UHRF1: variants seen among roughly 807,000 people sequenced by gnomAD.
UHRF1 encodes the protein ubiquitin like with PHD and ring finger domains 1.
In UHRF1, 9 loss-of-function variants were observed where a neutral mutation model predicts 96.5. That is an observed-to-expected ratio of 0.09 (90% CI 0.06 to 0.16). UHRF1 has a LOEUF of 0.16. Among genes scored for constraint, UHRF1 ranks in the 10% least tolerant of loss-of-function variants. The pLI is 1.00. For missense variants in UHRF1, 626 were observed against 1,131.1 expected (o/e 0.55, Z 6.40); for synonymous variants, 455 against 469.9 (o/e 0.97, Z 0.41).
Position 4,929,098 on chromosome 19 carries a change from C to T in UHRF1, c.154-124C>T, listed in dbSNP as rs1406230682. ...ATGGCCCAGGTATCATGGCTCTTTA[C>T]TCTGATGCAGATTGCCCCCCCCCCA... On this transcript the variant is annotated intron_variant, in intron 2 of 16. Coordinates refer to ENST00000650932, the MANE Select transcript of UHRF1 (RefSeq NM_001048201.3). 6.6e-6 allele frequency: 9 copies of T among 1,357,276 alleles called. No individual in the cohort carries two copies. The African/African-American group carries it at 7.8e-5, about 12-fold the overall frequency. The allele number at this position is 1,357,276 out of a possible 1,614,324, so 84.1% of individuals were successfully genotyped here. A position where few individuals can be genotyped will look rare whatever the true frequency, so the allele number is the denominator to read the frequency against.
At chr19:4,955,348 C>A (rs895551167) in intron 15 of UHRF1, among the ~76,000 whole-genome samples, 1 of 152,084 alleles carries the variant, frequency 6.6e-6, no homozygotes, top group African/African-American at 2.4e-5. Flanking sequence ...CTCGGGGCCC[C>A]TTCCTCCCCC....
At chr19:4,923,448 T>C (rs973779708) in intron 2 of UHRF1, among the ~76,000 whole-genome samples, 1 of 152,104 alleles carries the variant, frequency 6.6e-6, no homozygotes. Flanking sequence ...TCCTCTGCAG[T>C]GGTCTGGTTT....
At chr19:4,937,710 A>G (rs182019537) in intron 5 of UHRF1, among the ~76,000 whole-genome samples, 1 of 152,268 alleles carries the variant, frequency 6.6e-6, no homozygotes, top group African/African-American at 2.4e-5. Context: ...GTGGTCTGCA[A>G]TTCTCTTGTT....
At chr19:4,942,246 A>G (rs931516214) in intron 7 of UHRF1, among the ~76,000 whole-genome samples, 2 of 150,868 alleles carry the variant, frequency 1.3e-5, no homozygotes, top group East Asian at 1.9e-4. Flanking sequence ...GCTGGAGTGC[A>G]GTGGCGCGAT....
At chr19:4,955,784 G>T (rs561266870) in intron 15 of UHRF1, among the ~76,000 whole-genome samples, 14 of 152,168 alleles carry the variant, frequency 9.2e-5, no homozygotes, top group African/African-American at 2.6e-4. Context: ...TATGCATTGT[G>T]TCAGTGGACA....
chr19:4,927,215 A>G (rs1019076419), intron 2 of UHRF1, among the ~76,000 whole-genome samples: 5 of 152,112 alleles, frequency 3.3e-5, no homozygotes, highest in Non-Finnish European at 5.9e-5. Context: ...CCCTGTCTCT[A>G]CTAAAAATAC....
chr19:4,915,760 A>G (rs915674428), intron 2 of UHRF1, among the ~76,000 whole-genome samples: 2 of 152,196 alleles, frequency 1.3e-5, no homozygotes, highest in Non-Finnish European at 2.9e-5. Context: ...GGTGCAGGCC[A>G]GAATTGTCCC....
intron 5 of UHRF1, among the ~76,000 whole-genome samples, chr19:4,934,112 CT>C (rs2033146765): frequency 6.6e-6 from 1 of 151,730 alleles, no homozygotes; most frequent in African/African-American, 2.4e-5. Context: ...CAGCCTCCGC[CT>C]TCCAGGTTCA....
At chr19:4,951,642 G>T (rs1281797776) in intron 13 of UHRF1, among the ~76,000 whole-genome samples, 2 of 149,740 alleles carry the variant, frequency 1.3e-5, no homozygotes, top group African/African-American at 2.5e-5. Context: ...TAAAGGGATC[G>T]CTGCAGACCA....
At chr19:4,951,915 C>T (rs563438541) in intron 13 of UHRF1, among the ~76,000 whole-genome samples, 1 of 152,116 alleles carries the variant, frequency 6.6e-6, no homozygotes, top group African/African-American at 2.4e-5. Flanking sequence ...GCAGACGAAT[C>T]GTGAGACTAT....
chr19:4,959,171 A>G (rs1441575917), intron 16 of UHRF1, among the ~76,000 whole-genome samples: 2 of 151,570 alleles, frequency 1.3e-5, no homozygotes, highest in Non-Finnish European at 2.9e-5. Context: ...CTCTACTAAA[A>G]ATACAAAAAT....
At chr19:4,935,689 T>C (rs538674769) in intron 5 of UHRF1, among the ~76,000 whole-genome samples, 22 of 152,236 alleles carry the variant, frequency 1.4e-4, no homozygotes, top group African/African-American at 3.9e-4. Flanking sequence ...TAGTAAGATA[T>C]AGAGCATCGT....
rs564580950 is a variant in UHRF1 at position 4,942,113 on chromosome 19, C to T, written c.1073+182C>T. On this transcript the variant is annotated intron_variant, in intron 7 of 16. Transcript: ENST00000650932. Reference sequence around the variant, plus strand: ...GAGTTCAAGAGCAGCCTGGGCAACACAAGACCAGCCTGGGGGACGTAGAGA... The same window carrying T: ...GAGTTCAAGAGCAGCCTGGGCAACATAAGACCAGCCTGGGGGACGTAGAGA... Among the ~76,000 whole-genome samples the T allele has an allele frequency of 3.9e-5, 6 of 152,294 alleles. No individual in the cohort carries two copies. The East Asian group carries it at 7.7e-4, about 20-fold the overall frequency.
Position 4,956,772 on chromosome 19 carries a change from T to A in UHRF1, c.2194T>A (p.Phe732Ile). 7 of 1,611,820 alleles carry A rather than the reference T, an allele frequency of 4.3e-6. No individual in the cohort carries two copies. The highest frequency in any genetic ancestry group is 5.9e-6 in the Non-Finnish European group (7 of 1,178,998). Residue 732 changes from phenylalanine (F) to isoleucine (I), a missense_variant, in exon 16 of 17, where the codon TTC (phenylalanine) becomes ATC (isoleucine). Around this residue, in one of 11 missense-constraint regions of UHRF1, gnomAD observed 84 missense variants for 150.3 expected, o/e 0.56. Transcript: ENST00000650932. Reference sequence around the variant, plus strand: ...GTGTATCTGCTGTCAGGAGCTGGTGTTCCGGCCCATCACGACCGTGTGCCA... The same window carrying A: ...GTGTATCTGCTGTCAGGAGCTGGTGATCCGGCCCATCACGACCGTGTGCCA... ...FQCICCQELV[F>I]RPITTVCQHN...
intron 2 of UHRF1, among the ~76,000 whole-genome samples, chr19:4,912,113 A>G (rs1359367123): frequency 1.3e-5 from 2 of 152,138 alleles, no homozygotes; most frequent in African/African-American, 2.4e-5. Context: ...CTCTTCCCGT[A>G]AGAGACGTGA....
intron 2 of UHRF1, among the ~76,000 whole-genome samples, chr19:4,922,563 T>C (rs1027562993): frequency 1.3e-5 from 2 of 152,214 alleles, no homozygotes; most frequent in Non-Finnish European, 2.9e-5. Context: ...CCACCGTGCC[T>C]GACCCTTTAC....
rs536227677 is a variant in UHRF1, at chr19:4,944,454, C to T, written c.1305+4C>T. 1 of 1,613,878 alleles carries T rather than the reference C, an allele frequency of 6.2e-7. No homozygotes were observed. The highest frequency in any genetic ancestry group is 2.2e-5 in the East Asian group (1 of 44,874). On this transcript the variant is annotated splice_donor_region_variant and intron_variant, in intron 9 of 16. Coordinates refer to ENST00000650932, the MANE Select transcript of UHRF1 (RefSeq NM_001048201.3). ...CATGTGGCGGTTCCGAGTCCAGGTA[C>T]CTGCAGCGTCCCGGGGCTCCAGGGG... is the stretch of plus-strand genomic sequence containing the variant.
intron 11 of UHRF1, among the ~76,000 whole-genome samples, chr19:4,948,730 C>T (rs942153012): frequency 9.9e-5 from 15 of 151,574 alleles, no homozygotes; most frequent in Non-Finnish European, 1.8e-4. Flanking sequence ...ACCCAGGAGG[C>T]GGAGGATGCA....
At position 4,960,641 on chromosome 19, in the gene UHRF1, C is replaced by T. The variant is rs1439212511; in HGVS notation, c.2236-16C>T. The T allele has an allele frequency of 5.6e-6, 9 of 1,612,166 alleles. No homozygotes were observed. Among genetic ancestry groups the T allele is most frequent in the Non-Finnish European group, 6.8e-6 (8 of 1,179,232 alleles). ...GGTGTGGATGGCACTTCTCACGCGC[C>T]TGCTGTGTCTTACAGGACTGCCTGG... On this transcript the variant is annotated splice_polypyrimidine_tract_variant and intron_variant, in intron 16 of 16. Transcript: ENST00000650932.
Sources: gnomAD v4.1 joint callset for allele counts (sites outside exome capture counted in the v4.1 genomes callset) on GRCh38, gnomAD v4.1.1 for gene constraint, gnomAD v4.1.1 regional missense constraint, MANE v1.5 for transcripts, NCBI Gene and HGNC (gene_info 2026-07-23, HGNC 2026-07-21) for gene names.